Variants in HDAC9 observed in about 807,000 individuals in gnomAD.
HDAC9 encodes MEF-2 interacting transcription repressor (MITR) protein.
A neutral mutation model predicts 139.4 loss-of-function variants in HDAC9; 41 were observed. The observed-to-expected ratio is 0.29, with a 90% CI of 0.23 to 0.38. HDAC9 has a LOEUF of 0.38. Among genes scored for constraint, HDAC9 ranks in the 10% least tolerant of loss-of-function variants. The pLI, the probability that HDAC9 is intolerant of heterozygous loss-of-function variation, is 1.00. For missense variants in HDAC9, 1,147 were observed against 1,297.0 expected, an observed-to-expected ratio of 0.88 and a Z score of 1.78; for synonymous variants, 517 against 476.2, an observed-to-expected ratio of 1.09 and a Z score of -1.12.
At chr7:18,255,879 G>A (rs894206601) in intron 2 of HDAC9, among the ~76,000 whole-genome samples, 13 of 151,820 alleles carry the variant, frequency 8.6e-5, no homozygotes, top group Admixed American at 6.6e-4. Context: ...TGCCCGCCTC[G>A]GCCTCCCAAA....
chr7:18,400,469 G>A (rs1159966049), intron 1 of HDAC9, among the ~76,000 whole-genome samples: 1 of 152,184 alleles, frequency 6.6e-6, no homozygotes, highest in Non-Finnish European at 1.5e-5. Context: ...GAAACTGGGG[G>A]TTGGCAGTAT....
chr7:18,365,745 T>C (rs912380057), intron 1 of HDAC9, among the ~76,000 whole-genome samples: 6 of 152,040 alleles, frequency 3.9e-5, no homozygotes, highest in African/African-American at 1.4e-4. Flanking sequence ...GAACATCACA[T>C]CTACTACTTT....
intron 2 of HDAC9, among the ~76,000 whole-genome samples, chr7:18,550,913 A>G (rs999943705): frequency 1.3e-5 from 2 of 152,226 alleles, no homozygotes; most frequent in Non-Finnish European, 2.9e-5. Flanking sequence ...AGAAGACCAC[A>G]TGATCTCAAT....
At chr7:18,981,537 A>T (rs1043739066) in intron 25 of HDAC9, among the ~76,000 whole-genome samples, 4 of 152,098 alleles carry the variant, frequency 2.6e-5, no homozygotes, top group African/African-American at 9.7e-5. Flanking sequence ...TCTGGGGAAA[A>T]ATTGGTTTCC....
At chr7:18,164,167 A>T (rs1221120897) in intron 2 of HDAC9, among the ~76,000 whole-genome samples, 1 of 152,206 alleles carries the variant, frequency 6.6e-6, no homozygotes, top group African/African-American at 2.4e-5. Flanking sequence ...TATGAATGAA[A>T]TCTGAAGTTG....
At chr7:18,256,371 G>T (rs1486076427) in intron 2 of HDAC9, among the ~76,000 whole-genome samples, 1 of 152,168 alleles carries the variant, frequency 6.6e-6, no homozygotes, top group Admixed American at 6.5e-5. Flanking sequence ...ATACAATTCT[G>T]TAGGAGTTTG....
intron 12 of HDAC9, among the ~76,000 whole-genome samples, chr7:18,697,901 C>G (rs1584865282): frequency 6.6e-6 from 1 of 151,824 alleles, no homozygotes; most frequent in Non-Finnish European, 1.5e-5. Flanking sequence ...GTGATCAGTA[C>G]TAAAGCCTTG....
intron 22 of HDAC9, among the ~76,000 whole-genome samples, chr7:18,920,090 T>C (rs1357391886): frequency 2.6e-5 from 4 of 152,296 alleles, no homozygotes; most frequent in Admixed American, 6.5e-5. Context: ...CCTTGGGCAG[T>C]ATGGCCATTT....
At chr7:18,310,070 G>A (rs906947142) in intron 1 of HDAC9, among the ~76,000 whole-genome samples, 1 of 148,718 alleles carries the variant, frequency 6.7e-6, no homozygotes, top group Non-Finnish European at 1.5e-5. Flanking sequence ...TGATCATTCA[G>A]ATGCACACTT....
chr7:18,431,596 C>G (rs755960238), intron 1 of HDAC9, among the ~76,000 whole-genome samples: 3 of 152,142 alleles, frequency 2.0e-5, no homozygotes, highest in Admixed American at 2.0e-4. Flanking sequence ...TGAGAGGGCT[C>G]CCAGGCAATA....
chr7:18,366,408 A>G (rs1784184957), intron 1 of HDAC9, among the ~76,000 whole-genome samples: 1 of 152,124 alleles, frequency 6.6e-6, no homozygotes, highest in Non-Finnish European at 1.5e-5. Flanking sequence ...AGGACACCAG[A>G]CCTAGAATTT....
chr7:18,340,264 T>G (rs950515001), intron 1 of HDAC9, among the ~76,000 whole-genome samples: 1 of 151,574 alleles, frequency 6.6e-6, no homozygotes, highest in African/African-American at 2.4e-5. Flanking sequence ...TGAGTCATAT[T>G]TATAATGAGT....
intron 21 of HDAC9, among the ~76,000 whole-genome samples, chr7:18,868,369 C>T (rs1798650815): frequency 6.6e-6 from 1 of 152,172 alleles, no homozygotes; most frequent in Non-Finnish European, 1.5e-5. Context: ...GAAGTCTTAG[C>T]TTTGTTCACA....
chr7:18,780,823 C>T (rs1791186885), intron 16 of HDAC9, among the ~76,000 whole-genome samples: 1 of 151,992 alleles, frequency 6.6e-6, no homozygotes, highest in African/African-American at 2.4e-5. Flanking sequence ...GACAGACACC[C>T]ATAACCCTAT....
chr7:18,343,047 A>G (rs1288971679), intron 1 of HDAC9, among the ~76,000 whole-genome samples: 1 of 151,730 alleles, frequency 6.6e-6, no homozygotes, highest in African/African-American at 2.4e-5. Context: ...TCCCAGTAAC[A>G]ATTTGCCAAG....
intron 6 of HDAC9, among the ~76,000 whole-genome samples, chr7:18,603,360 T>A (rs368094818): frequency 2.0e-5 from 3 of 152,190 alleles, no homozygotes; most frequent in East Asian, 3.8e-4. Context: ...TATATTTACT[T>A]TTTTAAAAAA....
intron 1 of HDAC9, among the ~76,000 whole-genome samples, chr7:18,328,964 A>G (rs1481966247): frequency 6.6e-6 from 1 of 151,844 alleles, no homozygotes; most frequent in Non-Finnish European, 1.5e-5. Flanking sequence ...GAAATATTTT[A>G]TTACTGAATC....
intron 2 of HDAC9, among the ~76,000 whole-genome samples, chr7:18,257,436 CAAAAAGAA>C (rs1448145650): frequency 7.1e-6 from 1 of 141,294 alleles, no homozygotes; most frequent in African/African-American, 2.7e-5. Context: ...CACACACACA[CAAAAAGAA>C]AAAAAGAAAA....
At chr7:18,856,400 A>G (rs751229250) in intron 21 of HDAC9, among the ~76,000 whole-genome samples, 4 of 152,272 alleles carry the variant, frequency 2.6e-5, no homozygotes, top group African/African-American at 4.8e-5. Flanking sequence ...TTTGGTCACT[A>G]TAATGAACAG....
Sources: allele counts gnomAD v4.1 joint callset (sites outside exome capture counted in the v4.1 genomes callset), GRCh38; gene constraint gnomAD v4.1.1; transcripts MANE v1.5; gene names NCBI Gene and HGNC (gene_info 2026-07-23, HGNC 2026-07-21).